Variants in PPT1 observed in about 807,000 individuals in gnomAD.
PPT1 encodes the protein palmitoyl-protein thioesterase 1.
PPT1 carries 24 observed loss-of-function variants against 44.0 expected under a neutral mutation model. The ratio of observed to expected loss-of-function variants is 0.54; its 90% CI spans 0.39 to 0.77. PPT1 has a LOEUF of 0.77. PPT1 is among the 30% of genes least tolerant of loss of function. PPT1 has a pLI of 0.00. For synonymous variants in PPT1, 148 were observed against 140.2 expected (o/e 1.06, Z -0.39); for missense variants, 341 against 378.8 (o/e 0.90, Z 0.83).
intron 7 of PPT1, 33 bp from the exon 8 acceptor site, chr1:40,076,946 A>G (rs1648661507): frequency 1.2e-6 from 2 of 1,612,662 alleles, no homozygotes; most frequent in Non-Finnish European, 1.7e-6. Flanking sequence ...AAGCTCAGAT[A>G]TGACACACAG....
rs1206947183 is a variant in PPT1 at position 40,073,764 on chromosome 1, C to T, written c.*297G>A. 7.6e-6 allele frequency: 3 copies of T among 397,192 alleles called. No individual in the cohort carries two copies. Among genetic ancestry groups the T allele is most frequent in the South Asian group, 7.1e-5 (3 of 42,088 alleles). 24.6% of individuals were successfully genotyped at this position (397,192 alleles called of 1,614,324 possible). ...GTTAGTTGTCTCCTTTGGGCCTGGG[C>T]ACAGTTCTGGCACTGATCTGGAACA... On this transcript the variant is annotated 3_prime_UTR_variant, in exon 9 of 9. Transcript: ENST00000642050.
chr1:40,075,985 AAAAAAATC>A lies in PPT1; in HGVS notation c.798+849_798+856del, dbSNP rs1648605774. ...AAAAAAAAAAAAAAAAAAAAAAAAAAAAAAAATCCTTAAAGTGTAGAAGGCCCCAGAAC... is the reference window on the plus strand; with the variant it reads ...AAAAAAAAAAAAAAAAAAAAAAAAAACTTAAAGTGTAGAAGGCCCCAGAAC... On this transcript the variant is annotated intron_variant, in intron 8 of 8. Transcript: ENST00000642050. 2.0e-5 allele frequency among the ~76,000 whole-genome samples: 3 copies of A among 150,702 alleles called. No homozygotes were observed. The South Asian group carries it at 6.3e-4, about 31-fold the overall frequency.
Position 40,073,999 on chromosome 1 carries a change from G to C in PPT1, c.*62C>G, listed in dbSNP as rs1648422391. ...CTCAGGCTTGGGCATGAAGGAAACT[G>C]TCTCCCATGTGGTTTGGAAGAGTTA... On this transcript the variant is annotated 3_prime_UTR_variant, in exon 9 of 9. Transcript: ENST00000642050. The C allele has an allele frequency of 6.2e-7, 1 of 1,604,692 alleles. No individual in the cohort carries two copies. Among genetic ancestry groups the C allele is most frequent in the East Asian group, 2.2e-5 (1 of 44,802 alleles).
intron 8 of PPT1, 63 bp from the exon 9 acceptor site, chr1:40,074,246 G>T: frequency 6.3e-7 from 1 of 1,592,416 alleles, no homozygotes. Context: ...AAAATGGTAA[G>T]TACGTTAACT....
chr1:40,096,256 T>G (rs1649834337), intron 1 of PPT1, among the ~76,000 whole-genome samples: 1 of 152,220 alleles, frequency 6.6e-6, no homozygotes, highest in Admixed American at 6.5e-5. Flanking sequence ...CATATCACCA[T>G]TTGATATGTT....
Position 40,097,177 on chromosome 1 carries a change from G to A in PPT1, c.62C>T (p.Ser21Phe), listed in dbSNP as rs796052922. 15 of 1,614,006 alleles carry A rather than the reference G, an allele frequency of 9.3e-6. No individual in the cohort carries two copies. The highest frequency in any genetic ancestry group is 1.2e-5 in the Non-Finnish European group (14 of 1,179,982). ...CGGGTCCAGATGCTGCAGCGCCCGA[G>A]AAGCGCAGGTCCATGGCAGGAGAGC... ...AVALLPWTCA[S>F]RALQHLDPPA... is the part of the protein sequence containing the mutation. Residue 21 changes from serine to phenylalanine, a missense_variant, in exon 1 of 9, where the codon TCT (serine) becomes TTT (phenylalanine). Coordinates refer to ENST00000642050, the MANE Select transcript of PPT1 (RefSeq NM_000310.4).
chr1:40,092,205 G>A, intron 2 of PPT1, 33 bp from the exon 3 acceptor site: 2 of 1,613,864 alleles, frequency 1.2e-6, no homozygotes, highest in South Asian at 1.1e-5. Flanking sequence ...GTGAGAGGAT[G>A]GGACTGAAAA....
At chr1:40,094,403 G>T (rs1410233050) in intron 1 of PPT1, among the ~76,000 whole-genome samples, 1 of 150,496 alleles carries the variant, frequency 6.6e-6, no homozygotes, top group African/African-American at 2.4e-5. Flanking sequence ...AGCTCATGGT[G>T]GTAAGGCTGC....
intron 8 of PPT1, among the ~76,000 whole-genome samples, chr1:40,074,804 G>A (rs562850324): frequency 1.3e-5 from 2 of 152,020 alleles, no homozygotes; most frequent in African/African-American, 4.8e-5. Context: ...ATATGCAATT[G>A]AGATTGCTCT....
intron 1 of PPT1, chr1:40,094,054 A>G: frequency 1.5e-6 from 1 of 672,312 alleles, no homozygotes; most frequent in South Asian, 1.6e-5. Flanking sequence ...CATATAGGAT[A>G]ATTAAGACAC....
At chr1:40,074,251 T>A in intron 8 of PPT1, 68 bp from the exon 9 acceptor site, 1 of 1,582,960 alleles carries the variant, frequency 6.3e-7, no homozygotes, top group Non-Finnish European at 8.7e-7. Context: ...GGTAAGTACG[T>A]TAACTTGAGA....
At chr1:40,086,653 C>T (rs1649278073) in intron 5 of PPT1, among the ~76,000 whole-genome samples, 2 of 152,104 alleles carry the variant, frequency 1.3e-5, no homozygotes, top group Admixed American at 1.3e-4. Context: ...GAATCTGAAT[C>T]GGGACAAAGA....
chr1:40,086,864 G>A (rs777941656), intron 5 of PPT1, among the ~76,000 whole-genome samples: 45 of 151,916 alleles, frequency 3.0e-4, no homozygotes, highest in Non-Finnish European at 5.7e-4. Flanking sequence ...TTGATTCTAG[G>A]CCCTATGAGG....
At position 40,075,477 on chromosome 1, in the gene PPT1, C is replaced by CTTTTTTTTTTTTTTTTTTTTTTTTTTTTT. The variant is rs5773686; in HGVS notation, c.799-1295_799-1294insAAAAAAAAAAAAAAAAAAAAAAAAAAAAA. 1.4e-5 allele frequency among the ~76,000 whole-genome samples: 2 copies of CTTTTTTTTTTTTTTTTTTTTTTTTTTTTT among 144,702 alleles called. 1 individual carries two copies. 94.9% of individuals were successfully genotyped at this position (144,702 alleles called of 152,430 possible). A position where few individuals can be genotyped will look rare whatever the true frequency, so the allele number is the denominator to read the frequency against. ...AGTTCTTAGCTGTAATTTCTCAAGC[C>CTTTTTTTTTTTTTTTTTTTTTTTTTTTTT]TTTTTTTTTTTTTTTCTCAAATCAG... On this transcript the variant is annotated intron_variant, in intron 8 of 8. Transcript: ENST00000642050.
downstream of PPT1, chr1:40,072,673 G>A (rs1433953525): frequency 6.6e-6 from 1 of 152,566 alleles, no homozygotes; most frequent in East Asian, 1.9e-4. Context: ...TGTGATATTG[G>A]CTGTACAGAA....
At chr1:40,077,001 G>T in intron 7 of PPT1, 88 bp from the exon 8 acceptor site, 1 of 1,463,942 alleles carries the variant, frequency 6.8e-7, no homozygotes, top group Non-Finnish European at 9.5e-7. Flanking sequence ...AGCTAAAACT[G>T]CCAACAAAGT....
chr1:40,090,349 T>C (rs1341262248), intron 4 of PPT1, among the ~76,000 whole-genome samples: 3 of 150,676 alleles, frequency 2.0e-5, no homozygotes, highest in Non-Finnish European at 4.4e-5. Flanking sequence ...TATATATATA[T>C]GTGTGTGTGT....
intron 1 of PPT1, chr1:40,093,954 A>G (rs1649711079): frequency 1.4e-6 from 1 of 716,410 alleles, no homozygotes; most frequent in South Asian, 1.5e-5. Context: ...GCGCTTTGGT[A>G]AGACGAGGCA....
At chr1:40,091,248 TA>T in intron 4 of PPT1, 80 bp downstream of exon 4, 1 of 1,404,200 alleles carries the variant, frequency 7.1e-7, no homozygotes, top group Non-Finnish European at 1.0e-6. Context: ...CTTGTGCAAA[TA>T]TAGTTCCTAG....
Sources: gnomAD v4.1 joint callset for allele counts (sites outside exome capture counted in the v4.1 genomes callset) on GRCh38, gnomAD v4.1.1 for gene constraint, MANE v1.5 for transcripts, NCBI Gene and HGNC (gene_info 2026-07-23, HGNC 2026-07-21) for gene names.